The following COL22A1 variants were observed in gnomAD, a reference collection of about 807,000 sequenced individuals.
COL22A1 encodes the protein collagen alpha-1(XXII) chain.
A neutral mutation model predicts 248.9 loss-of-function variants in COL22A1; 221 were observed. The ratio of observed to expected loss-of-function variants is 0.89; its 90% confidence interval spans 0.80 to 0.99. The LOEUF (loss-of-function observed/expected upper bound fraction) is 0.99, where lower values mean the gene tolerates loss of function less well. Ranked by LOEUF, COL22A1 falls within the 50% of genes least tolerant of loss-of-function variation. The probability of loss-of-function intolerance (pLI) is 0.00; values close to 1 mark genes in which losing one functional copy is unlikely to be tolerated. For missense variants in COL22A1, 2,240 were observed against 2,179.0 expected, an observed-to-expected ratio of 1.03 and a Z score of -0.56; for synonymous variants, 891 against 793.4, an observed-to-expected ratio of 1.12 and a Z score of -2.07.
Position 138,759,761 on chromosome 8 carries a change from C to A in COL22A1, c.1902+482G>T, listed in dbSNP as rs574665997. On this transcript the variant is annotated intron_variant, in intron 18 of 64. Coordinates refer to ENST00000303045, the MANE Select transcript of COL22A1 (RefSeq NM_152888.3). ...AGATGACCAATAAAGTAAGATACAACCCTTATTTTGTTTTTCAAATACCTA... is the reference window on the plus strand; with the variant it reads ...AGATGACCAATAAAGTAAGATACAAACCTTATTTTGTTTTTCAAATACCTA... 3.9e-5 allele frequency among the ~76,000 whole-genome samples: 6 copies of A among 152,044 alleles called. No individual in the cohort carries two copies. In the South Asian group the frequency reaches 8.3e-4, roughly 21 times the overall value.
intron 36 of COL22A1, among the ~76,000 whole-genome samples, chr8:138,690,195 T>C (rs186920239): frequency 1.9e-3 from 293 of 152,354 alleles, no homozygotes; most frequent in African/African-American, 6.8e-3. Context: ...AAATCTATTG[T>C]AGGGGAAAAA....
intron 3 of COL22A1, among the ~76,000 whole-genome samples, chr8:138,857,415 C>T (rs1238499776): frequency 1.3e-5 from 2 of 152,240 alleles, no homozygotes; most frequent in Admixed American, 6.5e-5. Flanking sequence ...ACAGCTTCGC[C>T]TGGACATTCA....
chr8:138,612,378 T>C (rs1818933754), intron 56 of COL22A1, among the ~76,000 whole-genome samples: 1 of 152,154 alleles, frequency 6.6e-6, no homozygotes, highest in African/African-American at 2.4e-5. Flanking sequence ...CTCCATCCTC[T>C]CAGGCTGCTC....
At chr8:138,821,967 C>A (rs578231427) in intron 6 of COL22A1, among the ~76,000 whole-genome samples, 1 of 152,248 alleles carries the variant, frequency 6.6e-6, no homozygotes, top group East Asian at 1.9e-4. Context: ...GGGTAGCCTT[C>A]GGAAAATGCA....
At chr8:138,634,069 A>T (rs779144135) in intron 49 of COL22A1, among the ~76,000 whole-genome samples, 15 of 152,370 alleles carry the variant, frequency 9.8e-5, no homozygotes, top group Non-Finnish European at 1.9e-4. Flanking sequence ...GAAGTGAAAG[A>T]TGCCATGTCA....
intron 59 of COL22A1, among the ~76,000 whole-genome samples, chr8:138,602,473 G>A (rs1002392482): frequency 8.5e-5 from 13 of 152,110 alleles, no homozygotes; most frequent in Non-Finnish European, 1.5e-4. Flanking sequence ...GGCCCTGCAC[G>A]AATTGTTGTC....
intron 4 of COL22A1, among the ~76,000 whole-genome samples, chr8:138,837,174 G>C (rs1222635039): frequency 6.6e-6 from 1 of 152,208 alleles, no homozygotes; most frequent in Non-Finnish European, 1.5e-5. Flanking sequence ...GGGGACCACA[G>C]TGGGAACCTG....
At chr8:138,742,858 G>C (rs1422516855) in intron 22 of COL22A1, among the ~76,000 whole-genome samples, 1 of 151,276 alleles carries the variant, frequency 6.6e-6, no homozygotes, top group East Asian at 2.0e-4. Flanking sequence ...TGGTAGAGTT[G>C]ATGATGATGG....
At chr8:138,695,931 G>A (rs1197578314) in intron 32 of COL22A1, among the ~76,000 whole-genome samples, 1 of 152,104 alleles carries the variant, frequency 6.6e-6, no homozygotes, top group Non-Finnish European at 1.5e-5. Context: ...CACAGTCTCA[G>A]CTTCAGACCC....
At chr8:138,842,836 G>A (rs1042599750) in intron 4 of COL22A1, among the ~76,000 whole-genome samples, 2 of 152,168 alleles carry the variant, frequency 1.3e-5, no homozygotes, top group Admixed American at 6.5e-5. Context: ...CACCAGCTAC[G>A]CAGCAGGTGC....
chr8:138,589,078 T>A lies in COL22A1; in HGVS notation c.*175A>T. ...AATAATCTGACCGACCGGCAGCGTC[T>A]GTTGGATTTAATAATTTTGAGGTCT... is the stretch of plus-strand genomic sequence containing the variant. On this transcript the variant is annotated 3_prime_UTR_variant, in exon 65 of 65. Coordinates refer to ENST00000303045, the MANE Select transcript of COL22A1 (RefSeq NM_152888.3). 1 of 612,558 alleles carries A rather than the reference T, an allele frequency of 1.6e-6. No individual in the cohort carries two copies. The highest frequency in any genetic ancestry group is 2.0e-5 in the South Asian group (1 of 49,770). 37.9% of individuals were successfully genotyped at this position (612,558 alleles called of 1,614,324 possible). A position where few individuals can be genotyped will look rare whatever the true frequency, so the allele number is the denominator to read the frequency against.
At chr8:138,638,332 C>A (rs944663160) in intron 47 of COL22A1, among the ~76,000 whole-genome samples, 2 of 152,126 alleles carry the variant, frequency 1.3e-5, no homozygotes, top group African/African-American at 2.4e-5. Flanking sequence ...CTATGCCTGT[C>A]ATCCCTTAAC....
At chr8:138,767,819 A>C (rs2131434474) in intron 16 of COL22A1, among the ~76,000 whole-genome samples, 1 of 152,086 alleles carries the variant, frequency 6.6e-6, no homozygotes, top group Non-Finnish European at 1.5e-5. Flanking sequence ...TGAAAGCAGA[A>C]AACCGCCGGC....
intron 17 of COL22A1, among the ~76,000 whole-genome samples, chr8:138,761,126 G>A (rs190792724): frequency 2.0e-5 from 3 of 152,112 alleles, no homozygotes; most frequent in African/African-American, 7.2e-5. Context: ...GGCTTCCCCT[G>A]CACCCTGAGA....
At position 138,833,135 on chromosome 8, in the gene COL22A1, TC is replaced by T. The variant is rs1563823416; in HGVS notation, c.748del (p.Asp250IlefsTer5). ...TKEITGFDLM[D>X]LFSVKEILGK... ...CAAGATTTCCTTCACACTGAACAAATCCATCAGGTCAAAACCTGTACAAAGA... is the reference window on the plus strand; with the variant it reads ...CAAGATTTCCTTCACACTGAACAAATCATCAGGTCAAAACCTGTACAAAGA... On this transcript the variant is annotated frameshift_variant, in exon 5 of 65. Coordinates refer to ENST00000303045, the MANE Select transcript of COL22A1 (RefSeq NM_152888.3). LOFTEE classifies it high-confidence loss of function. The T allele has an allele frequency of 6.2e-7, 1 of 1,612,228 alleles. No individual in the cohort carries two copies.
intron 23 of COL22A1, among the ~76,000 whole-genome samples, chr8:138,727,631 C>T (rs1830415907): frequency 6.6e-6 from 1 of 152,160 alleles, no homozygotes; most frequent in South Asian, 2.1e-4. Context: ...CCTCTGGGGG[C>T]ACCCGTGAGT....
chr8:138,696,721 C>T lies in COL22A1; in HGVS notation c.2593-1842G>A, dbSNP rs549453257. On this transcript the variant is annotated intron_variant, in intron 32 of 64. Transcript: ENST00000303045. ...CTGTGACCTGGATTCAGTGAGATTG[C>T]GTTTGCAAAGTGTTTCACAGTGACC... Among the ~76,000 whole-genome samples the T allele has an allele frequency of 8.5e-5, 13 of 152,292 alleles. No homozygotes were observed. In the South Asian group the frequency reaches 1.0e-3, roughly 12 times the overall value.
In COL22A1 at chr8:138,594,194, G is replaced by A. The variant is rs776446118; in HGVS notation, c.4438C>T (p.Leu1480Phe). 8.3e-6 allele frequency: 13 copies of A among 1,570,676 alleles called. No homozygotes were observed. Among genetic ancestry groups the A allele is most frequent in the East Asian group, 7.3e-5 (3 of 41,200 alleles). The change falls in exon 63 of 65, where the codon CTC becomes TTC. Residue 1480 changes from leucine to phenylalanine, a missense_variant. Coordinates refer to ENST00000303045, the MANE Select transcript of COL22A1 (RefSeq NM_152888.3). ...GGCATCTGGGCCAGGAGGTAGGCGAGTCTGGCTGTAAAGTAGAAAAAGAGA... is the reference window on the plus strand; with the variant it reads ...GGCATCTGGGCCAGGAGGTAGGCGAATCTGGCTGTAAAGTAGAAAAAGAGA... Reference protein sequence around the residue: ...EELGKQLETRLAYLLAQMPPA... With the variant: ...EELGKQLETRFAYLLAQMPPA...
chr8:138,867,877 G>A (rs11782663), intron 3 of COL22A1, among the ~76,000 whole-genome samples: 81,067 of 151,854 alleles, frequency 0.53, 25,253 homozygotes, highest in East Asian at 0.96. Flanking sequence ...CGAGTCTCGT[G>A]CCTCAGCCTC....
Sources: allele counts gnomAD v4.1 joint callset (sites outside exome capture counted in the v4.1 genomes callset), GRCh38; gene constraint gnomAD v4.1.1; transcripts MANE v1.5; gene names NCBI Gene and HGNC (gene_info 2026-07-23, HGNC 2026-07-21).